The following TMEM74 variants were observed in gnomAD, a reference collection of about 807,000 sequenced individuals.
The protein encoded by TMEM74 is transmembrane protein 74.
A neutral mutation model predicts 18.1 loss-of-function variants in TMEM74; 13 were observed. The observed-to-expected ratio is 0.72, with a 90% CI of 0.47 to 1.14. The LOEUF is 1.14. Ranked by LOEUF, TMEM74 falls within the 50% of genes most tolerant of loss-of-function variation. TMEM74 has a pLI of 0.00. For missense variants in TMEM74, 372 were observed against 375.9 expected, an observed-to-expected ratio of 0.99 and a Z score of 0.09; for synonymous variants, 159 against 146.6, an observed-to-expected ratio of 1.08 and a Z score of -0.61.
chr8:108,710,345 A>G (rs1346070740), intron 1 of TMEM74, among the ~76,000 whole-genome samples: 1 of 152,248 alleles, frequency 6.6e-6, no homozygotes, highest in Admixed American at 6.5e-5. Flanking sequence ...AGATTGTGGT[A>G]TCACTGATGA....
At chr8:108,756,701 A>G (rs1305268784) in intron 1 of TMEM74, among the ~76,000 whole-genome samples, 1 of 122,514 alleles carries the variant, frequency 8.2e-6, no homozygotes, top group Non-Finnish European at 1.7e-5. Flanking sequence ...AGAAAGAAGG[A>G]AGGAAAGAAA....
intron 1 of TMEM74, among the ~76,000 whole-genome samples, chr8:108,737,749 G>C (rs1813762789): frequency 6.6e-6 from 1 of 152,048 alleles, no homozygotes; most frequent in Admixed American, 6.5e-5. Flanking sequence ...ATTCAGTAGA[G>C]GAGGAATGTT....
rs201979984 is a variant in TMEM74 at position 108,756,603 on chromosome 8, G to A, written n.119+30873C>T. On this transcript the variant is annotated intron_variant and non_coding_transcript_variant, in intron 1 of 3. Transcript: ENST00000518838. ...AAGAAAGAAAGAAAGAAAGAGAAAG[G>A]AAGGAAGGAAGGAAGGAAGGAAGGA... is the stretch of plus-strand genomic sequence containing the variant. Among the ~76,000 whole-genome samples, 367 of 44,154 alleles carry A rather than the reference G, an allele frequency of 8.3e-3. 2 individuals are homozygous for A. Among genetic ancestry groups the A allele is most frequent in the African/African-American group, 0.035 (272 of 7,754 alleles). 29.0% of individuals were successfully genotyped at this position (44,154 alleles called of 152,430 possible).
chr8:108,671,621 G>A (rs1277088501), intron 1 of TMEM74, among the ~76,000 whole-genome samples: 1 of 152,112 alleles, frequency 6.6e-6, no homozygotes, highest in Non-Finnish European at 1.5e-5. Flanking sequence ...CTGTGGTCAG[G>A]AGCAGGAAAG....
intron 1 of TMEM74, among the ~76,000 whole-genome samples, chr8:108,658,332 A>G (rs1290035520): frequency 6.6e-6 from 1 of 152,068 alleles, no homozygotes; most frequent in African/African-American, 2.4e-5. Context: ...GAACATTGGC[A>G]TATACACAGG....
chr8:108,632,177 A>G (rs1812559208), intron 2 of TMEM74, among the ~76,000 whole-genome samples: 1 of 152,004 alleles, frequency 6.6e-6, no homozygotes. Context: ...TTCAAGCTGT[A>G]GATGATACAG....
chr8:108,651,451 G>A (rs1011637914), intron 2 of TMEM74, among the ~76,000 whole-genome samples: 4 of 151,902 alleles, frequency 2.6e-5, no homozygotes, highest in Non-Finnish European at 5.9e-5. Flanking sequence ...TCTTCTCTGT[G>A]GTTTCCAGTT....
intron 1 of TMEM74, among the ~76,000 whole-genome samples, chr8:108,786,621 C>T (rs1814388771): frequency 6.6e-6 from 1 of 152,108 alleles, no homozygotes; most frequent in Non-Finnish European, 1.5e-5. Context: ...GTGAAAACAG[C>T]AAAAAACAAC....
intron 1 of TMEM74, among the ~76,000 whole-genome samples, chr8:108,772,008 A>T (rs1814178647): frequency 6.6e-6 from 1 of 152,164 alleles, no homozygotes; most frequent in Non-Finnish European, 1.5e-5. Context: ...TGGTAAAAAA[A>T]CTACCATATT....
In TMEM74 at chr8:108,738,246, T is replaced by A. The variant is rs145143605; in HGVS notation, n.119+49230A>T. 3.3e-3 allele frequency among the ~76,000 whole-genome samples: 507 copies of A among 152,274 alleles called. 3 individuals are homozygous for A. The highest frequency in any genetic ancestry group is 0.011 in the African/African-American group (466 of 41,556). On this transcript the variant is annotated intron_variant and non_coding_transcript_variant, in intron 1 of 3. Coordinates refer to the TMEM74 transcript ENST00000518838. ...AGCTTAATAAATGTTTGTGAATGGATCATAATTGTATACCTCCACCTAGGA... is the reference window on the plus strand; with the variant it reads ...AGCTTAATAAATGTTTGTGAATGGAACATAATTGTATACCTCCACCTAGGA...
intron 2 of TMEM74, among the ~76,000 whole-genome samples, chr8:108,614,469 A>G (rs1280529279): frequency 6.6e-6 from 1 of 152,200 alleles, no homozygotes; most frequent in Non-Finnish European, 1.5e-5. Flanking sequence ...AAAGACAAGA[A>G]AGCAAGATGA....
intron 2 of TMEM74, among the ~76,000 whole-genome samples, chr8:108,654,408 A>G (rs1238956122): frequency 6.6e-6 from 1 of 152,226 alleles, no homozygotes; most frequent in Admixed American, 6.5e-5. Context: ...GTTAATATGG[A>G]AAAAGTGCTT....
intron 1 of TMEM74, among the ~76,000 whole-genome samples, chr8:108,693,215 G>A (rs57675772): frequency 6.6e-6 from 1 of 151,574 alleles, no homozygotes; most frequent in Non-Finnish European, 1.5e-5. Context: ...AGGGAGATAG[G>A]GTCAGAAAAT....
At chr8:108,769,257 G>T (rs997762904) in intron 1 of TMEM74, among the ~76,000 whole-genome samples, 6 of 151,916 alleles carry the variant, frequency 3.9e-5, no homozygotes, top group Non-Finnish European at 5.9e-5. Context: ...GAACTGGGAA[G>T]CGGAGGTTGC....
At chr8:108,630,043 T>C (rs1812534886) in intron 2 of TMEM74, among the ~76,000 whole-genome samples, 1 of 151,930 alleles carries the variant, frequency 6.6e-6, no homozygotes, top group Admixed American at 6.6e-5. Context: ...GACTGGCAAA[T>C]TGGATAAATA....
intron 1 of TMEM74, among the ~76,000 whole-genome samples, chr8:108,711,629 C>G (rs1813476362): frequency 6.6e-6 from 1 of 152,142 alleles, no homozygotes; most frequent in African/African-American, 2.4e-5. Context: ...GGCCACCTTG[C>G]AGTCTAGAAG....
intron 1 of TMEM74, among the ~76,000 whole-genome samples, chr8:108,678,893 C>T (rs1192543104): frequency 7.2e-6 from 1 of 139,750 alleles, no homozygotes; most frequent in Non-Finnish European, 1.5e-5. Context: ...GCCATCCTCC[C>T]CCCCTCCCCC....
chr8:108,632,498 T>G (rs117809975), intron 2 of TMEM74, among the ~76,000 whole-genome samples: 1,745 of 152,070 alleles, frequency 0.011, 20 homozygotes, highest in Non-Finnish European at 0.018. Context: ...GATGAGAAAT[T>G]TATAGAAAAT....
At chr8:108,765,438 A>T (rs1162088138) in intron 1 of TMEM74, among the ~76,000 whole-genome samples, 1 of 119,688 alleles carries the variant, frequency 8.4e-6, no homozygotes, top group Non-Finnish European at 1.7e-5. Flanking sequence ...ATGGAGTCTC[A>T]CTCTGTTACC....
Sources: allele counts gnomAD v4.1 joint callset (sites outside exome capture counted in the v4.1 genomes callset), GRCh38; gene constraint gnomAD v4.1.1; transcripts MANE v1.5; gene names NCBI Gene and HGNC (gene_info 2026-07-23, HGNC 2026-07-21).